CFAP61: variants seen among roughly 807,000 people sequenced by gnomAD.
CFAP61 encodes the protein cilia and flagella associated protein 61.
Under a neutral mutation model 135.6 loss-of-function variants are expected in CFAP61, and 107 were observed. The ratio of observed to expected loss-of-function variants is 0.79; its 90% CI spans 0.67 to 0.93. The LOEUF is 0.93. CFAP61 is among the 40% of genes least tolerant of loss of function. The pLI is 0.00. For missense variants in CFAP61, 1,507 were observed against 1,556.2 expected (o/e 0.97, Z 0.53); for synonymous variants, 575 against 578.5 (o/e 0.99, Z 0.09).
At chr20:20,056,295 TTAAATA>T (rs2044332149) in intron 1 of CFAP61, among the ~76,000 whole-genome samples, 1 of 152,234 alleles carries the variant, frequency 6.6e-6, no homozygotes. Context: ...TCGTGGCCGA[TTAAATA>T]TAAGAGGACC....
At chr20:20,088,005 C>T (rs1287683114) in intron 6 of CFAP61, among the ~76,000 whole-genome samples, 2 of 151,986 alleles carry the variant, frequency 1.3e-5, no homozygotes, top group Non-Finnish European at 2.9e-5. Context: ...TGGTCAAGGC[C>T]CTACCTTTTG....
At chr20:20,126,617 A>G (rs1191703630) in intron 8 of CFAP61, among the ~76,000 whole-genome samples, 1 of 151,864 alleles carries the variant, frequency 6.6e-6, no homozygotes, top group African/African-American at 2.4e-5. Flanking sequence ...TTTATAGGCT[A>G]TCTGGTACTT....
intron 16 of CFAP61, 88 bp downstream of exon 16, chr20:20,196,864 A>T: frequency 8.6e-7 from 1 of 1,160,552 alleles, no homozygotes; most frequent in Non-Finnish European, 1.3e-6. Flanking sequence ...CATTCCTCTC[A>T]TGATGGGTTT....
chr20:20,111,329 G>A (rs117501026), intron 8 of CFAP61, among the ~76,000 whole-genome samples: 6 of 152,146 alleles, frequency 3.9e-5, no homozygotes, highest in East Asian at 1.9e-4. Context: ...ACTTGCTACC[G>A]GATTTCACCT....
intron 13 of CFAP61, among the ~76,000 whole-genome samples, chr20:20,179,375 A>G (rs1053330915): frequency 4.6e-5 from 7 of 152,246 alleles, no homozygotes; most frequent in Non-Finnish European, 8.8e-5. Flanking sequence ...GCTCAAAGAA[A>G]TCAGAGATGA....
At chr20:20,264,758 G>T (rs762488948) in intron 21 of CFAP61, among the ~76,000 whole-genome samples, 2 of 152,162 alleles carry the variant, frequency 1.3e-5, no homozygotes, top group Non-Finnish European at 2.9e-5. Context: ...TGGGCATGGT[G>T]GTGTACACCT....
chr20:20,176,367 G>T (rs2054625259), intron 13 of CFAP61, among the ~76,000 whole-genome samples: 1 of 151,698 alleles, frequency 6.6e-6, no homozygotes. Context: ...ATACCCAAAG[G>T]AATATAAATC....
chr20:20,354,528 C>T lies in CFAP61; in HGVS notation c.3514-5682C>T, dbSNP rs1165633865. 2.0e-5 allele frequency among the ~76,000 whole-genome samples: 3 copies of T among 147,064 alleles called. No individual in the cohort carries two copies. In the East Asian group the frequency reaches 5.9e-4, roughly 29 times the overall value. ...AAAAAAAAAAAAAAAAAATCAGGTA[C>T]AGAAAGGTAAATACTGCACGATCTC... On this transcript the variant is annotated intron_variant, in intron 26 of 26. Transcript: ENST00000245957.
intron 12 of CFAP61, 56 bp downstream of exon 12, chr20:20,166,492 A>G (rs567895561): frequency 1.5e-6 from 2 of 1,362,284 alleles, no homozygotes; most frequent in African/African-American, 2.8e-5. Flanking sequence ...AACTTATAGA[A>G]AAGTAAAATG....
At chr20:20,203,732 TACAA>T (rs1219656797) in intron 17 of CFAP61, among the ~76,000 whole-genome samples, 1 of 152,170 alleles carries the variant, frequency 6.6e-6, no homozygotes, top group East Asian at 1.9e-4. Flanking sequence ...TGGGTCTACA[TACAA>T]ACCTGTTTTC....
intron 22 of CFAP61, among the ~76,000 whole-genome samples, chr20:20,282,690 G>GTGGTTA (rs1486059241): frequency 6.6e-6 from 1 of 152,146 alleles, no homozygotes; most frequent in Non-Finnish European, 1.5e-5. Context: ...TGTAATCCCA[G>GTGGTTA]CACATTGGGA....
At chr20:20,189,881 G>A (rs999732307) in intron 14 of CFAP61, among the ~76,000 whole-genome samples, 6 of 152,112 alleles carry the variant, frequency 3.9e-5, no homozygotes, top group African/African-American at 9.7e-5. Flanking sequence ...TGCAACCTCC[G>A]CCTCCCGGGT....
intron 11 of CFAP61, among the ~76,000 whole-genome samples, chr20:20,165,691 G>A (rs1288221948): frequency 6.6e-6 from 1 of 152,118 alleles, no homozygotes; most frequent in South Asian, 2.1e-4. Context: ...AGGCTCTAGG[G>A]TGTCTTTTAG....
intron 18 of CFAP61, among the ~76,000 whole-genome samples, chr20:20,231,555 C>T (rs1601529024): frequency 6.6e-6 from 1 of 152,136 alleles, no homozygotes; most frequent in East Asian, 1.9e-4. Context: ...TGGGCAGGGG[C>T]GTAGCGTCAT....
At chr20:20,071,226 G>A (rs529366723) in intron 3 of CFAP61, among the ~76,000 whole-genome samples, 58 of 152,144 alleles carry the variant, frequency 3.8e-4, no homozygotes, top group Non-Finnish European at 7.1e-4. Flanking sequence ...GGCAAGGCCT[G>A]GATCGTGCTT....
At chr20:20,099,584 G>GTT (rs956558512) in intron 8 of CFAP61, among the ~76,000 whole-genome samples, 1 of 151,846 alleles carries the variant, frequency 6.6e-6, no homozygotes, top group Non-Finnish European at 1.5e-5. Context: ...CACACGGGGG[G>GTT]GGGGTTGTGA....
intron 25 of CFAP61, among the ~76,000 whole-genome samples, chr20:20,318,667 G>C (rs1385305428): frequency 1.3e-5 from 2 of 152,114 alleles, no homozygotes; most frequent in African/African-American, 4.8e-5. Context: ...ACCCTCTCTT[G>C]CCTAGTGCCA....
chr20:20,181,162 G>GTT (rs1415479778), intron 13 of CFAP61, among the ~76,000 whole-genome samples: 5 of 84,456 alleles, frequency 5.9e-5, no homozygotes, highest in Non-Finnish European at 1.3e-4. Flanking sequence ...TAAAGTAAAA[G>GTT]TTATATATAT....
At chr20:20,323,018 G>C in intron 25 of CFAP61, 1 of 985,428 alleles carries the variant, frequency 1.0e-6, no homozygotes, top group African/African-American at 1.7e-5. Flanking sequence ...GGCCCTTCAT[G>C]ATGAGATTAT....
Sources: gnomAD v4.1 joint callset for allele counts (sites outside exome capture counted in the v4.1 genomes callset) on GRCh38, gnomAD v4.1.1 for gene constraint, MANE v1.5 for transcripts, NCBI Gene and HGNC (gene_info 2026-07-23, HGNC 2026-07-21) for gene names.